The following PRKCE variants were observed in gnomAD, a reference collection of about 807,000 sequenced individuals.
PRKCE encodes the protein protein kinase C epsilon type.
PRKCE carries 16 observed loss-of-function variants against 85.4 expected under a neutral mutation model. The observed-to-expected ratio is 0.19, with a 90% CI of 0.13 to 0.28. The LOEUF is 0.28. PRKCE is among the 10% of genes least tolerant of loss of function. PRKCE has a pLI of 1.00. For missense variants in PRKCE, 573 were observed against 975.2 expected (o/e 0.59, Z 5.49); for synonymous variants, 388 against 371.5 (o/e 1.04, Z -0.51).
At chr2:46,110,471 T>G (rs563099947) in intron 11 of PRKCE, among the ~76,000 whole-genome samples, 1 of 152,202 alleles carries the variant, frequency 6.6e-6, no homozygotes, top group Non-Finnish European at 1.5e-5. Flanking sequence ...ATCAAATTTG[T>G]GGGCATAAAG....
intron 1 of PRKCE, among the ~76,000 whole-genome samples, chr2:45,759,910 G>A (rs562564610): frequency 1.8e-4 from 27 of 152,298 alleles, no homozygotes; most frequent in Non-Finnish European, 3.8e-4. Flanking sequence ...TATTCTTTGA[G>A]TTTCTAATGT....
intron 11 of PRKCE, among the ~76,000 whole-genome samples, chr2:46,104,576 G>A (rs1384818045): frequency 3.9e-5 from 6 of 152,042 alleles, no homozygotes; most frequent in Non-Finnish European, 7.4e-5. Flanking sequence ...AGCCTTAAAG[G>A]TCTTTATGAT....
At chr2:45,899,431 A>T (rs1180010248) in intron 2 of PRKCE, among the ~76,000 whole-genome samples, 2 of 150,488 alleles carry the variant, frequency 1.3e-5, no homozygotes. Context: ...CCCAGGCTAG[A>T]GTGCAGTGGC....
At chr2:45,987,464 C>T (rs925533700) in intron 6 of PRKCE, among the ~76,000 whole-genome samples, 2 of 152,166 alleles carry the variant, frequency 1.3e-5, no homozygotes, top group African/African-American at 4.8e-5. Flanking sequence ...TTCTCCCTCT[C>T]CCTCTCTCTT....
chr2:46,175,334 C>G (rs935646336), intron 14 of PRKCE, among the ~76,000 whole-genome samples: 6 of 152,176 alleles, frequency 3.9e-5, no homozygotes, highest in Non-Finnish European at 8.8e-5. Flanking sequence ...ATTCTGTGAA[C>G]TGAGACCAAA....
In PRKCE at chr2:46,028,199, C is replaced by T. The variant is rs373001599; in HGVS notation, c.1437+17682C>T. On this transcript the variant is annotated intron_variant, in intron 10 of 14. Coordinates refer to ENST00000306156, the MANE Select transcript of PRKCE (RefSeq NM_005400.3). ...TCAAGTGATCCGCCCGTCTCAGCCT[C>T]CCAAAGTGCTGGAATTACAGGCGTG... Among the ~76,000 whole-genome samples, 5 of 152,280 alleles carry T rather than the reference C, an allele frequency of 3.3e-5. No homozygotes were observed. The South Asian group carries it at 6.2e-4, about 19-fold the overall frequency.
At chr2:46,015,343 TC>T (rs1478716961) in intron 10 of PRKCE, among the ~76,000 whole-genome samples, 2 of 152,154 alleles carry the variant, frequency 1.3e-5, no homozygotes, top group Non-Finnish European at 2.9e-5. Context: ...ACAAAACCTG[TC>T]TTGAATAATT....
intron 11 of PRKCE, among the ~76,000 whole-genome samples, chr2:46,097,397 G>A (rs1162678938): frequency 2.0e-5 from 3 of 152,026 alleles, no homozygotes; most frequent in Admixed American, 1.3e-4. Flanking sequence ...GCGGGCGTCT[G>A]TAGTCCCAGC....
chr2:45,778,038 C>T (rs879317966), intron 1 of PRKCE, among the ~76,000 whole-genome samples: 25 of 119,544 alleles, frequency 2.1e-4, no homozygotes, highest in Non-Finnish European at 3.1e-4. Flanking sequence ...GGAGGGTGGG[C>T]TTTGGGAGGA....
At chr2:45,667,760 C>A (rs114963835) in intron 1 of PRKCE, among the ~76,000 whole-genome samples, 3,121 of 151,878 alleles carry the variant, frequency 0.021, 99 homozygotes, top group African/African-American at 0.072. Flanking sequence ...ACCTCCACAC[C>A]TAGTTTTCCT....
At chr2:46,043,832 T>G (rs1201889826) in intron 10 of PRKCE, among the ~76,000 whole-genome samples, 2 of 152,190 alleles carry the variant, frequency 1.3e-5, no homozygotes, top group Non-Finnish European at 2.9e-5. Context: ...AAAACATGAG[T>G]GTTTCTGTGA....
At chr2:45,655,327 T>G in intron 1 of PRKCE, among the ~76,000 whole-genome samples, 1 of 151,368 alleles carries the variant, frequency 6.6e-6, no homozygotes, top group East Asian at 1.9e-4. Context: ...TTGTACACTT[T>G]CCTAAAACGT....
chr2:46,055,619 T>A (rs1666503214), intron 10 of PRKCE, among the ~76,000 whole-genome samples: 1 of 152,214 alleles, frequency 6.6e-6, no homozygotes, highest in Non-Finnish European at 1.5e-5. Context: ...TTGCTGTGAC[T>A]TCCATTCTCA....
At chr2:46,051,825 G>A (rs969907861) in intron 10 of PRKCE, among the ~76,000 whole-genome samples, 1 of 152,158 alleles carries the variant, frequency 6.6e-6, no homozygotes, top group African/African-American at 2.4e-5. Flanking sequence ...CACGCGGCTG[G>A]GGACGCTTCA....
chr2:45,932,483 G>A (rs72802821), intron 2 of PRKCE, among the ~76,000 whole-genome samples: 20 of 152,234 alleles, frequency 1.3e-4, no homozygotes, highest in South Asian at 6.2e-4. Flanking sequence ...AGATACTGTC[G>A]GTGTTCCAGA....
intron 1 of PRKCE, among the ~76,000 whole-genome samples, chr2:45,679,882 G>A (rs917370146): frequency 3.0e-4 from 45 of 152,216 alleles, no homozygotes; most frequent in African/African-American, 9.9e-4. Context: ...GCAACATGAA[G>A]GTGAAGTCCT....
chr2:45,932,276 A>G (rs1335672789), intron 2 of PRKCE, among the ~76,000 whole-genome samples: 1 of 152,244 alleles, frequency 6.6e-6, no homozygotes, highest in Non-Finnish European at 1.5e-5. Flanking sequence ...TCATTGCTGT[A>G]GACTAGTCCA....
chr2:45,911,364 G>A (rs1053617548), intron 2 of PRKCE, among the ~76,000 whole-genome samples: 2 of 152,174 alleles, frequency 1.3e-5, no homozygotes, highest in Non-Finnish European at 2.9e-5. Flanking sequence ...TGCACTGGAC[G>A]GGAGTGTTTC....
chr2:46,023,955 G>A (rs1706893133), intron 10 of PRKCE, among the ~76,000 whole-genome samples: 2 of 152,148 alleles, frequency 1.3e-5, no homozygotes, highest in South Asian at 4.1e-4. Context: ...TAATTTAATC[G>A]TCACATCAAC....
Sources: gnomAD v4.1 joint callset for allele counts (sites outside exome capture counted in the v4.1 genomes callset) on GRCh38, gnomAD v4.1.1 for gene constraint, MANE v1.5 for transcripts, NCBI Gene and HGNC (gene_info 2026-07-23, HGNC 2026-07-21) for gene names.